Variants in KLF8 observed in about 807,000 individuals in gnomAD.
The protein encoded by KLF8 is KLF transcription factor 8, also known as Krueppel-like factor 8.
In KLF8, 10 loss-of-function variants were observed where a neutral mutation model predicts 18.2. The observed-to-expected ratio is 0.55, with a 90% CI of 0.34 to 0.93. The LOEUF is 0.93. KLF8 is among the 40% of genes least tolerant of loss of function. The pLI is 0.02. For missense variants in KLF8, 264 were observed against 277.9 expected (o/e 0.95, Z 0.36); for synonymous variants, 109 against 97.3 (o/e 1.12, Z -0.71).
At chrX:56,092,023 G>T in the KLF8 span, among the ~76,000 whole-genome samples, 1 of 101,847 alleles carries the variant, frequency 9.8e-6, no homozygotes, top group African/African-American at 3.6e-5. Context: ...ACATCTCACT[G>T]GTGTAAGATG....
At chrX:56,071,566 A>G in the KLF8 span, among the ~76,000 whole-genome samples, 5 of 112,169 alleles carry the variant, frequency 4.5e-5, no homozygotes, top group African/African-American at 1.3e-4. Context: ...TTCTGAAGTC[A>G]GCAGCTTGTG....
the KLF8 span, among the ~76,000 whole-genome samples, chrX:56,081,087 G>C: frequency 1.8e-5 from 2 of 111,075 alleles, no homozygotes; most frequent in South Asian, 3.8e-4. Flanking sequence ...CTTTGCCTTT[G>C]GTTTGAATGT....
the KLF8 span, among the ~76,000 whole-genome samples, chrX:56,164,391 A>G: frequency 1.1e-5 from 1 of 90,495 alleles, no homozygotes; most frequent in African/African-American, 4.0e-5. Flanking sequence ...TAGTAAAATC[A>G]CAGAGCAGGA....
the KLF8 span, among the ~76,000 whole-genome samples, chrX:55,937,848 A>G: frequency 8.9e-6 from 1 of 111,859 alleles, no homozygotes; most frequent in Non-Finnish European, 1.9e-5. Context: ...GAAATGAGCA[A>G]AGCCTCCAAC....
chrX:55,931,786 A>G, the KLF8 span, among the ~76,000 whole-genome samples: 1 of 111,451 alleles, frequency 9.0e-6, no homozygotes, highest in African/African-American at 3.3e-5. Flanking sequence ...TTTACTTCCA[A>G]TTATGTGATC....
At chrX:56,033,338 G>A in the KLF8 span, among the ~76,000 whole-genome samples, 7 of 111,367 alleles carry the variant, frequency 6.3e-5, no homozygotes, top group South Asian at 3.8e-4. Flanking sequence ...CCACGGTGTC[G>A]CAAATGACAG....
At chrX:56,047,017 A>G in the KLF8 span, among the ~76,000 whole-genome samples, 2 of 110,698 alleles carry the variant, frequency 1.8e-5, no homozygotes, top group African/African-American at 6.6e-5. Flanking sequence ...AGGTTTGGAC[A>G]TTTAACATAG....
chrX:56,152,397 G>C, the KLF8 span, among the ~76,000 whole-genome samples: 1 of 111,173 alleles, frequency 9.0e-6, no homozygotes, highest in African/African-American at 3.3e-5. Context: ...TTGATGCTCT[G>C]CTGTATAATC....
At chrX:56,078,375 C>A in the KLF8 span, among the ~76,000 whole-genome samples, 1 of 112,091 alleles carries the variant, frequency 8.9e-6, no homozygotes, top group South Asian at 3.7e-4. Context: ...TTGTCAAAGG[C>A]CCTTTCTGCA....
chrX:55,987,303 A>G, the KLF8 span, among the ~76,000 whole-genome samples: 1 of 110,182 alleles, frequency 9.1e-6, no homozygotes, highest in Non-Finnish European at 1.9e-5. Flanking sequence ...GCACCCATTA[A>G]CACTTCATTT....
At chrX:55,917,078 C>T in the KLF8 span, among the ~76,000 whole-genome samples, 4 of 112,129 alleles carry the variant, frequency 3.6e-5, no homozygotes, top group Non-Finnish European at 7.5e-5. Context: ...AATCCAATCT[C>T]CCTGCTCAAG....
the KLF8 span, among the ~76,000 whole-genome samples, chrX:56,031,735 C>T: frequency 1.5e-4 from 17 of 111,351 alleles, no homozygotes; most frequent in African/African-American, 5.6e-4. Context: ...GGACGAGCTG[C>T]GGACAAAACC....
the KLF8 span, among the ~76,000 whole-genome samples, chrX:55,945,735 A>C: frequency 9.0e-6 from 1 of 111,233 alleles, no homozygotes. Flanking sequence ...TATATCTAGA[A>C]AACCCCATTG....
chrX:56,079,844 C>G, the KLF8 span, among the ~76,000 whole-genome samples: 1 of 110,822 alleles, frequency 9.0e-6, no homozygotes, highest in Non-Finnish European at 1.9e-5. Context: ...GTATTGGATG[C>G]ATATATATTT....
At chrX:55,969,107 CT>C in the KLF8 span, among the ~76,000 whole-genome samples, 2 of 111,792 alleles carry the variant, frequency 1.8e-5, no homozygotes, top group African/African-American at 6.5e-5. Context: ...CCAAATGGAT[CT>C]AATAGATATT....
chrX:55,911,004 A>G, the KLF8 span, among the ~76,000 whole-genome samples: 2 of 112,033 alleles, frequency 1.8e-5, no homozygotes, highest in African/African-American at 3.2e-5. Flanking sequence ...AAACTTATCT[A>G]CTAGTAGCCT....
the KLF8 span, among the ~76,000 whole-genome samples, chrX:56,106,743 C>T: frequency 1.8e-5 from 2 of 112,244 alleles, no homozygotes; most frequent in Non-Finnish European, 3.8e-5. Flanking sequence ...CTCTGTCCAG[C>T]TTTGTTCCAT....
the KLF8 span, among the ~76,000 whole-genome samples, chrX:56,052,026 C>A: frequency 9.0e-6 from 1 of 111,427 alleles, no homozygotes; most frequent in Admixed American, 9.5e-5. Context: ...ATTTCATCTT[C>A]CATTGCTGAT....
the KLF8 span, among the ~76,000 whole-genome samples, chrX:56,213,905 C>T: frequency 1.8e-5 from 2 of 111,276 alleles, no homozygotes; most frequent in Non-Finnish European, 3.8e-5. Context: ...TCAGGTCACA[C>T]AAACGAATTG....
Sources: allele counts gnomAD v4.1 joint callset (sites outside exome capture counted in the v4.1 genomes callset), GRCh38; gene constraint gnomAD v4.1.1; transcripts MANE v1.5; gene names NCBI Gene and HGNC (gene_info 2026-07-23, HGNC 2026-07-21).